The following SFRP5 variants were observed in gnomAD, a reference collection of about 807,000 sequenced individuals.
SFRP5 encodes the protein secreted frizzled related protein 5.
Under a neutral mutation model 27.0 loss-of-function variants are expected in SFRP5, and 22 were observed. That is an observed-to-expected ratio of 0.82 (90% CI 0.58 to 1.17). The LOEUF (loss-of-function observed/expected upper bound fraction) is 1.17, where lower values mean the gene tolerates loss of function less well. SFRP5 is among the 50% of genes most tolerant of loss of function. SFRP5 has a pLI of 0.00. For synonymous variants in SFRP5, 171 were observed against 195.0 expected, an observed-to-expected ratio of 0.88 and a Z score of 1.03; for missense variants, 406 against 436.6, an observed-to-expected ratio of 0.93 and a Z score of 0.63.
chr10:97,771,652 G>A lies in SFRP5; in HGVS notation c.182C>T (p.Pro61Leu), dbSNP rs528874507. 4.4e-6 allele frequency: 7 copies of A among 1,604,626 alleles called. No individual in the cohort carries two copies. Among genetic ancestry groups the A allele is most frequent in the African/African-American group, 1.3e-5 (1 of 74,924 alleles). Residue 61 changes from proline to leucine, a missense_variant, in exon 1 of 3, where the codon CCG (proline) becomes CTG (leucine). Pro to Leu is a moderately conservative substitution (Grantham distance 98). Coordinates refer to ENST00000266066, the MANE Select transcript of SFRP5 (RefSeq NM_003015.3). This position sits in a 1 kb window ranked among gnomAD's most constrained non-coding sequence, Gnocchi z 5.2. Reference protein sequence around the residue: ...PQCLDIPADLPLCHTVGYKRM... With the variant: ...PQCLDIPADLLLCHTVGYKRM... ...CTTGTAGCCCACCGTGTGGCAGAGC[G>A]GCAGGTCGGCAGGGATGTCAAGGCA...
chr10:97,767,597 TCTC>T lies in SFRP5; in HGVS notation c.868_870del (p.Glu290del). On this transcript the variant is annotated inframe_deletion, in exon 3 of 3. Coordinates refer to ENST00000266066, the MANE Select transcript of SFRP5 (RefSeq NM_003015.3). ...AACATGAATTTGACTGCAAACTTCA[TCTC>T]CTTATTCTTCTTGTCCCAGCGGTAG... 1 of 1,613,504 alleles carries T rather than the reference TCTC, an allele frequency of 6.2e-7. No individual in the cohort carries two copies. Among genetic ancestry groups the T allele is most frequent in the Non-Finnish European group, 8.5e-7 (1 of 1,180,004 alleles).
rs1034376504 is a variant in SFRP5 at position 97,767,080 on chromosome 10, G to A, written c.*434C>T. 3.8e-5 allele frequency: 6 copies of A among 156,828 alleles called. No homozygotes were observed. The highest frequency in any genetic ancestry group is 5.6e-5 in the Non-Finnish European group (4 of 71,134). The allele number at this position is 156,828 out of a possible 1,614,324, so 9.7% of individuals were successfully genotyped here. On this transcript the variant is annotated 3_prime_UTR_variant, in exon 3 of 3. Transcript: ENST00000266066. ...TTCCTAAGGGGGGCTAGGATGACGCGTACAGGGGCGGTGGGGAGAACTTTC... is the reference window on the plus strand; with the variant it reads ...TTCCTAAGGGGGGCTAGGATGACGCATACAGGGGCGGTGGGGAGAACTTTC...
chr10:97,767,968 G>A, intron 2 of SFRP5, 108 bp from the exon 3 acceptor site: 3 of 729,212 alleles, frequency 4.1e-6, no homozygotes, highest in Non-Finnish European at 6.6e-6. Flanking sequence ...GGAGCCTGAT[G>A]CCCTGCGGGG....
Position 97,767,634 on chromosome 10 carries a change from G to T in SFRP5, c.834C>A (p.Leu278=), listed in dbSNP as rs140143703. The part of the protein sequence containing the change: ...MGRKVDGQLL[L]MAVYRWDKKN... ...TCTTGTCCCAGCGGTAGACGGCCAT[G>T]AGCAGCAGCTGTCCATCCACTTTGC... Residue 278 remains leucine, a synonymous_variant, in exon 3 of 3, where the codon CTC becomes CTA. Coordinates refer to ENST00000266066, the MANE Select transcript of SFRP5 (RefSeq NM_003015.3). The T allele has an allele frequency of 4.3e-5, 69 of 1,613,968 alleles. No homozygotes were observed. The Middle Eastern group carries it at 4.9e-4, about 12-fold the overall frequency.
chr10:97,767,246 C>T lies in SFRP5; in HGVS notation c.*268G>A. The stretch of plus-strand genomic sequence containing the variant: ...CCTGAGCCCCTCCACCTTTCCCTTA[C>T]CCTCTCCTCCCCTGCCTACTTTCTG... On this transcript the variant is annotated 3_prime_UTR_variant, in exon 3 of 3. Coordinates refer to ENST00000266066, the MANE Select transcript of SFRP5 (RefSeq NM_003015.3). 2 of 376,486 alleles carry T rather than the reference C, an allele frequency of 5.3e-6. No individual in the cohort carries two copies. Among genetic ancestry groups the T allele is most frequent in the Non-Finnish European group, 9.5e-6 (2 of 210,310 alleles). The allele number at this position is 376,486 out of a possible 1,614,324, so 23.3% of individuals were successfully genotyped here.
At position 97,771,752 on chromosome 10, in the gene SFRP5, G is replaced by A; in HGVS notation, c.82C>T (p.Arg28Cys). The change falls in exon 1 of 3, where the codon CGC becomes TGC. Residue 28 changes from arginine to cysteine, a missense_variant. Transcript: ENST00000266066. The surrounding 1 kb of genome is among the most constrained non-coding windows in gnomAD (Gnocchi z 5.2). ...LLGALHWAPARCEEYDYYGWQ... is the reference protein window; with the variant it reads ...LLGALHWAPACCEEYDYYGWQ... ...CCATAGTAGTCGTACTCCTCGCAGC[G>A]CGCCGGCGCCCAGTGCAGCGCCCCC... is the stretch of plus-strand genomic sequence containing the variant. 1 of 1,590,710 alleles carries A rather than the reference G, an allele frequency of 6.3e-7. No individual in the cohort carries two copies. Among genetic ancestry groups the A allele is most frequent in the Middle Eastern group, 2.0e-4 (1 of 4,942 alleles).
rs148730945 is a variant in SFRP5 at position 97,767,786 on chromosome 10, T to G, written c.682A>C (p.Lys228Gln). 95 of 1,558,710 alleles carry G rather than the reference T, an allele frequency of 6.1e-5. No homozygotes were observed. The highest frequency in any genetic ancestry group is 2.5e-4 in the South Asian group (21 of 82,402). The change falls in exon 3 of 3, where the codon AAG becomes CAG. Residue 228 changes from lysine to glutamine, a missense_variant. Physicochemically the swap from Lys to Gln is moderately conservative, Grantham distance 53 (BLOSUM62 1). Transcript: ENST00000266066. ...RKLIGAQKKKKLLKPGPLKRK... is the reference protein window; with the variant it reads ...RKLIGAQKKKQLLKPGPLKRK... ...TTCAGGGGGCCCGGCTTGAGCAGCT[T>G]CTTCTTTTTCTGGGCTCCAATCAGC...
chr10:97,768,638 G>A (rs974907252), intron 2 of SFRP5, among the ~76,000 whole-genome samples: 4 of 152,148 alleles, frequency 2.6e-5, no homozygotes, highest in Non-Finnish European at 5.9e-5. Flanking sequence ...TTAGGAGTGG[G>A]GCAGGGGGTG....
At position 97,771,148 on chromosome 10, in the gene SFRP5, G is replaced by A. The variant is rs1449021587; in HGVS notation, c.529+157C>T. 6.6e-6 allele frequency among the ~76,000 whole-genome samples: 1 copy of A among 151,822 alleles called. No homozygotes were observed. ...GGAGGTGGGAAGGCGGGAAGGCTGC[G>A]GGGGATAATTCCGGGGACGCTGGGC... On this transcript the variant is annotated intron_variant, in intron 1 of 2. Transcript: ENST00000266066. This position sits in a 1 kb window ranked among gnomAD's most constrained non-coding sequence, Gnocchi z 5.2.
Position 97,771,802 on chromosome 10 carries a change from C to G in SFRP5, c.32G>C (p.Arg11Pro). Residue 11 changes from arginine (R) to proline (P), a missense_variant, in exon 1 of 3, where the codon CGG becomes CCG. Coordinates refer to ENST00000266066, the MANE Select transcript of SFRP5 (RefSeq NM_003015.3). The surrounding 1 kb of genome is among the most constrained non-coding windows in gnomAD (Gnocchi z 5.2). MRAAAAGGGV[R>P]TAALALLLGA... ...CAGCAGCAGCGCCAGCGCGGCCGTC[C>G]GCACGCCCCCCCCCGCCGCCGCCGC... 1 of 1,268,646 alleles carries G rather than the reference C, an allele frequency of 7.9e-7. No individual in the cohort carries two copies. The highest frequency in any genetic ancestry group is 9.9e-7 in the Non-Finnish European group (1 of 1,013,796). 78.6% of individuals were successfully genotyped at this position (1,268,646 alleles called of 1,614,324 possible). A position where few individuals can be genotyped will look rare whatever the true frequency, so the allele number is the denominator to read the frequency against.
Position 97,771,438 on chromosome 10 carries a change from G to GCGCACGGCCT in SFRP5, c.386_395dup (p.Ala133GlyfsTer19). 6.2e-7 allele frequency: 1 copy of GCGCACGGCCT among 1,612,800 alleles called. No homozygotes were observed. Among genetic ancestry groups the GCGCACGGCCT allele is most frequent in the Non-Finnish European group, 8.5e-7 (1 of 1,179,462 alleles). On this transcript the variant is annotated frameshift_variant, in exon 1 of 3. Transcript: ENST00000266066. LOFTEE classifies it high-confidence loss of function. The surrounding 1 kb of genome is among the most constrained non-coding windows in gnomAD (Gnocchi z 5.2). ...CCTCCATGAGCGGCGCGCAGCCGGC[G>GCGCACGGCCT]CGCACGGCCTCGCACAGCGAGCGGC...
In SFRP5 at chr10:97,770,996, A is replaced by G. The variant is rs549522664; in HGVS notation, c.529+309T>C. Among the ~76,000 whole-genome samples the G allele has an allele frequency of 3.3e-5, 5 of 151,570 alleles. No homozygotes were observed. The South Asian group carries it at 1.0e-3, about 32-fold the overall frequency. ...ATCAGGACGTCCCAGGATTGGGGGG[A>G]CGGCATTGGGGGATTCTCAGCAGCT... is the stretch of plus-strand genomic sequence containing the variant. On this transcript the variant is annotated intron_variant, in intron 1 of 2. Coordinates refer to ENST00000266066, the MANE Select transcript of SFRP5 (RefSeq NM_003015.3).
At chr10:97,770,361 C>A (rs370693950) in intron 1 of SFRP5, among the ~76,000 whole-genome samples, 6 of 152,206 alleles carry the variant, frequency 3.9e-5, no homozygotes, top group African/African-American at 1.4e-4. Context: ...TGAACCACTG[C>A]GCCCAGCCCT....
intron 2 of SFRP5, 114 bp downstream of exon 2, chr10:97,769,554 C>T: frequency 1.4e-6 from 1 of 722,782 alleles, no homozygotes; most frequent in Non-Finnish European, 2.4e-6. Context: ...AGCCATGATG[C>T]AAAAACTGTT....
Position 97,767,229 on chromosome 10 carries a change from C to T in SFRP5, c.*285G>A, listed in dbSNP as rs2049489450. ...CCTCCGCCTCAGGGTGCCCTGAGCC[C>T]CTCCACCTTTCCCTTACCCTCTCCT... On this transcript the variant is annotated 3_prime_UTR_variant, in exon 3 of 3. Transcript: ENST00000266066. The T allele has an allele frequency of 3.0e-6, 1 of 329,384 alleles. No individual in the cohort carries two copies. The highest frequency in any genetic ancestry group is 5.5e-6 in the Non-Finnish European group (1 of 181,392). The allele number at this position is 329,384 out of a possible 1,614,324, so 20.4% of individuals were successfully genotyped here.
chr10:97,771,720 C>A lies in SFRP5; in HGVS notation c.114G>T (p.Gln38His). Residue 38 changes from glutamine (Q) to histidine (H), a missense_variant, in exon 1 of 3, where the codon CAG becomes CAT. By Grantham distance (24) the Gln-to-His change is conservative. Coordinates refer to ENST00000266066, the MANE Select transcript of SFRP5 (RefSeq NM_003015.3). This position sits in a 1 kb window ranked among gnomAD's most constrained non-coding sequence, Gnocchi z 5.2. ...RCEEYDYYGW[Q>H]AEPLHGRSYS... The stretch of plus-strand genomic sequence containing the variant: ...AGGAGCGGCCGTGCAGCGGCTCGGC[C>A]TGCCAGCCATAGTAGTCGTACTCCT... The A allele has an allele frequency of 6.3e-7, 1 of 1,596,758 alleles. No individual in the cohort carries two copies. Among genetic ancestry groups the A allele is most frequent in the Non-Finnish European group, 8.5e-7 (1 of 1,179,292 alleles).
chr10:97,769,588 G>T, intron 2 of SFRP5, 80 bp downstream of exon 2: 2 of 918,082 alleles, frequency 2.2e-6, no homozygotes, highest in Non-Finnish European at 3.5e-6. Flanking sequence ...ATGGATGTGG[G>T]CATGTATGTT....
chr10:97,771,936 G>T lies in SFRP5; in HGVS notation c.-103C>A. On this transcript the variant is annotated 5_prime_UTR_variant, in exon 1 of 3. Coordinates refer to ENST00000266066, the MANE Select transcript of SFRP5 (RefSeq NM_003015.3). The surrounding 1 kb of genome is among the most constrained non-coding windows in gnomAD (Gnocchi z 5.2). ...CCCCCGGCCCTGACTCTACCCAGCC[G>T]CCGCCGCCGCCGCCGCGGAGGTCGC... 1.4e-6 allele frequency: 1 copy of T among 732,928 alleles called. No homozygotes were observed. Among genetic ancestry groups the T allele is most frequent in the Non-Finnish European group, 1.6e-6 (1 of 633,104 alleles). 45.4% of individuals were successfully genotyped at this position (732,928 alleles called of 1,614,324 possible). A position where few individuals can be genotyped will look rare whatever the true frequency, so the allele number is the denominator to read the frequency against.
rs2049518599 is a variant in SFRP5 at position 97,771,737 on chromosome 10, C to A, written c.97G>T (p.Asp33Tyr). Residue 33 changes from aspartate to tyrosine, a missense_variant, in exon 1 of 3, where the codon GAC (aspartate) becomes TAC (tyrosine). Coordinates refer to ENST00000266066, the MANE Select transcript of SFRP5 (RefSeq NM_003015.3). This position sits in a 1 kb window ranked among gnomAD's most constrained non-coding sequence, Gnocchi z 5.2. The stretch of plus-strand genomic sequence containing the variant: ...GGCTCGGCCTGCCAGCCATAGTAGT[C>A]GTACTCCTCGCAGCGCGCCGGCGCC... ...HWAPARCEEY[D>Y]YYGWQAEPLH... is the part of the protein sequence containing the mutation. The A allele has an allele frequency of 3.1e-6, 5 of 1,594,660 alleles. No individual in the cohort carries two copies. The highest frequency in any genetic ancestry group is 4.2e-6 in the Non-Finnish European group (5 of 1,178,646).
Sources: allele counts gnomAD v4.1 joint callset (sites outside exome capture counted in the v4.1 genomes callset), GRCh38; gene constraint gnomAD v4.1.1; non-coding constraint Gnocchi (gnomAD v3.1); transcripts MANE v1.5; gene names NCBI Gene and HGNC (gene_info 2026-07-23, HGNC 2026-07-21).